The following RAB2A variants were observed in gnomAD, a reference collection of about 807,000 sequenced individuals.
The protein encoded by RAB2A is ras-related protein Rab-2A.
In RAB2A, 7 loss-of-function variants were observed where a neutral mutation model predicts 32.5. The ratio of observed to expected loss-of-function variants is 0.22; its 90% CI spans 0.12 to 0.40. The LOEUF is 0.40. Ranked by LOEUF, RAB2A falls within the 10% of genes least tolerant of loss-of-function variation. The pLI, the probability that RAB2A is intolerant of heterozygous loss-of-function variation, is 1.00. For missense variants in RAB2A, 108 were observed against 260.7 expected (o/e 0.41, Z 4.03); for synonymous variants, 79 against 85.2 (o/e 0.93, Z 0.40).
At chr8:60,587,672 C>T (rs1485946689) in intron 5 of RAB2A, among the ~76,000 whole-genome samples, 1 of 152,092 alleles carries the variant, frequency 6.6e-6, no homozygotes, top group Non-Finnish European at 1.5e-5. Flanking sequence ...TGAGATAATG[C>T]AAATTAGCTA....
intron 2 of RAB2A, chr8:60,559,171 C>T (rs200029928): frequency 8.4e-6 from 3 of 356,686 alleles, no homozygotes; most frequent in Admixed American, 4.4e-5. Flanking sequence ...TTGTAATTAG[C>T]GATGAAACAA....
chr8:60,521,911 C>T (rs1454173590), intron 1 of RAB2A, among the ~76,000 whole-genome samples: 4 of 152,118 alleles, frequency 2.6e-5, no homozygotes, highest in South Asian at 4.1e-4. Flanking sequence ...TGTGAGCCAC[C>T]GCGGCAAGGC....
At chr8:60,528,847 A>G (rs562398118) in intron 1 of RAB2A, among the ~76,000 whole-genome samples, 2 of 152,224 alleles carry the variant, frequency 1.3e-5, no homozygotes, top group South Asian at 4.1e-4. Flanking sequence ...AAGTGCTGGG[A>G]TTACAGGTGT....
Position 60,584,903 on chromosome 8 carries a change from G to C in RAB2A, c.362+88G>C, listed in dbSNP as rs186062874. Reference sequence around the variant, plus strand: ...TACTTTCCTTAACATTTGTTCAAATGTGAGTTACCAGCCTCTTAAATTATA... The same window carrying C: ...TACTTTCCTTAACATTTGTTCAAATCTGAGTTACCAGCCTCTTAAATTATA... On this transcript the variant is annotated intron_variant, in intron 5 of 7. Coordinates refer to ENST00000262646, the MANE Select transcript of RAB2A (RefSeq NM_002865.3). 1,983 of 902,148 alleles carry C rather than the reference G, an allele frequency of 2.2e-3. 27 individuals are homozygous for C. In the African/African-American group the frequency reaches 0.028, roughly 13 times the overall value. The allele number at this position is 902,148 out of a possible 1,614,324, so 55.9% of individuals were successfully genotyped here. A position where few individuals can be genotyped will look rare whatever the true frequency, so the allele number is the denominator to read the frequency against.
At chr8:60,564,398 A>G (rs919693698) in intron 2 of RAB2A, among the ~76,000 whole-genome samples, 1 of 151,870 alleles carries the variant, frequency 6.6e-6, no homozygotes, top group Non-Finnish European at 1.5e-5. Flanking sequence ...TCCTTTTTTG[A>G]TGGTTATTTT....
At chr8:60,547,393 T>A (rs1181243182) in intron 1 of RAB2A, among the ~76,000 whole-genome samples, 3 of 152,214 alleles carry the variant, frequency 2.0e-5, no homozygotes, top group Non-Finnish European at 2.9e-5. Context: ...TCATGGCCCG[T>A]TCTCAATGAG....
chr8:60,562,827 T>C (rs551898176), intron 2 of RAB2A, among the ~76,000 whole-genome samples: 1 of 152,274 alleles, frequency 6.6e-6, no homozygotes, highest in East Asian at 1.9e-4. Flanking sequence ...AAAGGGGTGC[T>C]TCTTGCCACT....
At chr8:60,600,108 G>T (rs1227494973) in intron 6 of RAB2A, among the ~76,000 whole-genome samples, 1 of 151,396 alleles carries the variant, frequency 6.6e-6, no homozygotes, top group Non-Finnish European at 1.5e-5. Context: ...GGGCAAGAGA[G>T]ATATGAGCAG....
chr8:60,609,142 A>G (rs1414168023), intron 6 of RAB2A, among the ~76,000 whole-genome samples: 1 of 152,110 alleles, frequency 6.6e-6, no homozygotes, highest in East Asian at 1.9e-4. Context: ...AACCCCTCAC[A>G]CCATATGCTC....
chr8:60,535,494 G>C (rs1254666725), intron 1 of RAB2A, among the ~76,000 whole-genome samples: 1 of 152,106 alleles, frequency 6.6e-6, no homozygotes, highest in Non-Finnish European at 1.5e-5. Flanking sequence ...TAAATCTTGA[G>C]TGTCTTTCTG....
At chr8:60,559,119 A>T in intron 2 of RAB2A, 196 bp downstream of exon 2, 1 of 493,456 alleles carries the variant, frequency 2.0e-6, no homozygotes, top group Non-Finnish European at 3.6e-6. Context: ...AGAAGTGGTT[A>T]AAGAAGCTAC....
chr8:60,559,234 C>G (rs1378270651), intron 2 of RAB2A: 1 of 251,612 alleles, frequency 4.0e-6, no homozygotes, highest in Non-Finnish European at 7.8e-6. Context: ...ACTCAGCTTG[C>G]TGGAAGTTAA....
At chr8:60,598,937 CAAAAAAAAAAAAAAAAA>C (rs56406651) in intron 6 of RAB2A, among the ~76,000 whole-genome samples, 13 of 40,390 alleles carry the variant, frequency 3.2e-4, no homozygotes, top group South Asian at 3.1e-3. Context: ...TGCAGTAAAG[CAAAAAAAAAAAAAAAAA>C]AAAAAAAAAA....
At position 60,550,380 on chromosome 8, in the gene RAB2A, T is replaced by G. The variant is rs556331517; in HGVS notation, c.47-8472T>G. On this transcript the variant is annotated intron_variant, in intron 1 of 7. Transcript: ENST00000262646. ...GAGAAAGCTCCTTACTGGTTCACGG[T>G]TTTTTTTGTCTTTTTTTTTTTTGAG... Among the ~76,000 whole-genome samples, 184 of 151,482 alleles carry G rather than the reference T, an allele frequency of 1.2e-3. 3 individuals are homozygous for G. The highest frequency in any genetic ancestry group is 6.8e-3 in the Middle Eastern group (2 of 292).
intron 5 of RAB2A, among the ~76,000 whole-genome samples, chr8:60,590,002 C>T (rs1195547042): frequency 6.6e-6 from 1 of 151,886 alleles, no homozygotes; most frequent in Non-Finnish European, 1.5e-5. Flanking sequence ...CACTCTGTCG[C>T]CCAGGCTGGA....
At chr8:60,529,709 T>C (rs1807447134) in intron 1 of RAB2A, among the ~76,000 whole-genome samples, 1 of 152,230 alleles carries the variant, frequency 6.6e-6, no homozygotes, top group African/African-American at 2.4e-5. Flanking sequence ...ATTTTATTGA[T>C]ATTAATTGCT....
At chr8:60,596,663 C>T (rs1205617206) in intron 6 of RAB2A, among the ~76,000 whole-genome samples, 3 of 152,158 alleles carry the variant, frequency 2.0e-5, no homozygotes, top group Admixed American at 2.0e-4. Context: ...TGGCTCATGC[C>T]TGTAATCCCA....
chr8:60,545,472 G>A (rs1202949766), intron 1 of RAB2A, among the ~76,000 whole-genome samples: 3 of 151,154 alleles, frequency 2.0e-5, no homozygotes, highest in Non-Finnish European at 3.0e-5. Flanking sequence ...TTTTGTAGAG[G>A]TGCCATGTTG....
intron 6 of RAB2A, among the ~76,000 whole-genome samples, chr8:60,617,184 A>G (rs1180569613): frequency 6.6e-6 from 1 of 152,174 alleles, no homozygotes; most frequent in East Asian, 1.9e-4. Context: ...TAATATTTAT[A>G]TATAATTTCT....
Sources: allele counts gnomAD v4.1 joint callset (sites outside exome capture counted in the v4.1 genomes callset), GRCh38; gene constraint gnomAD v4.1.1; transcripts MANE v1.5; gene names NCBI Gene and HGNC (gene_info 2026-07-23, HGNC 2026-07-21).